ZNF497: variants seen among roughly 807,000 people sequenced by gnomAD.
ZNF497 encodes zinc finger-like protein.
For synonymous variants in ZNF497, 422 were observed against 313.7 expected, an observed-to-expected ratio of 1.35 and a Z score of -3.65; for missense variants, 930 against 714.0, an observed-to-expected ratio of 1.30 and a Z score of -3.45.
chr19:58,358,250 T>G (rs1271948102), intron 2 of ZNF497: 1 of 1,289,752 alleles, frequency 7.8e-7, no homozygotes, highest in Non-Finnish European at 1.0e-6. Context: ...TCAGACCAGG[T>G]GGTCCAAGGC....
In ZNF497 at chr19:58,359,116, GGCCC is replaced by G; in HGVS notation, c.-111-535_-111-532del. The stretch of plus-strand genomic sequence containing the variant: ...AACACAGCTCACGCAGCTGAGCCAG[GGCCC>G]CTCGGGGCCCTGCTGCCTTCTCATA... On this transcript the variant is annotated intron_variant, in intron 1 of 2. Transcript: ENST00000311044. 4 of 1,137,084 alleles carry G rather than the reference GGCCC, an allele frequency of 3.5e-6. 1 individual carries two copies. Among genetic ancestry groups the G allele is most frequent in the Non-Finnish European group, 4.7e-6 (4 of 846,692 alleles). The allele number at this position is 1,137,084 out of a possible 1,614,324, so 70.4% of individuals were successfully genotyped here. A position where few individuals can be genotyped will look rare whatever the true frequency, so the allele number is the denominator to read the frequency against.
Position 58,357,502 on chromosome 19 carries a change from G to A in ZNF497, c.134C>T (p.Thr45Met), listed in dbSNP as rs1452674000. The A allele has an allele frequency of 2.5e-6, 4 of 1,602,978 alleles. No homozygotes were observed. Among genetic ancestry groups the A allele is most frequent in the African/African-American group, 2.7e-5 (2 of 74,626 alleles). Residue 45 changes from threonine to methionine, a missense_variant, in exon 3 of 3, where the codon ACG (threonine) becomes ATG (methionine). Coordinates refer to ENST00000311044, the MANE Select transcript of ZNF497 (RefSeq NM_198458.3). ...GTCCCCTGCCTCCCTCGGAACCTCCGTGGAGTTTTCCCAGGCCCCCCAGCC... is the reference window on the plus strand; with the variant it reads ...GTCCCCTGCCTCCCTCGGAACCTCCATGGAGTTTTCCCAGGCCCCCCAGCC... Reference protein sequence around the residue: ...SGGWGAWENSTEVPREAGDGQ... With the variant: ...SGGWGAWENSMEVPREAGDGQ...
In ZNF497 at chr19:58,355,630, C is replaced by T. The variant is rs567099444; in HGVS notation, c.*509G>A. ...AGCTTCTTGCCAACAGAATATGAGA[C>T]ACTAGAAAGCCATAGCATGCGGTTT... On this transcript the variant is annotated 3_prime_UTR_variant, in exon 3 of 3. Coordinates refer to ENST00000311044, the MANE Select transcript of ZNF497 (RefSeq NM_198458.3). 1 of 153,670 alleles carries T rather than the reference C, an allele frequency of 6.5e-6. No homozygotes were observed. The highest frequency in any genetic ancestry group is 2.4e-5 in the African/African-American group (1 of 41,610). The allele number at this position is 153,670 out of a possible 1,614,324, so 9.5% of individuals were successfully genotyped here. A position where few individuals can be genotyped will look rare whatever the true frequency, so the allele number is the denominator to read the frequency against.
rs376574392 is a variant in ZNF497, at chr19:58,356,925, C to G, written c.711G>C (p.Arg237=). The change falls in exon 3 of 3, where the codon CGG becomes CGC. Residue 237 remains arginine (R), a synonymous_variant. Coordinates refer to ENST00000311044, the MANE Select transcript of ZNF497 (RefSeq NM_198458.3). ...GCGGCCGCGCGCCCGTGTGCACGCG[C>G]CGGTGCTCCAGGAAATTGGAGTTCC... is the stretch of plus-strand genomic sequence containing the variant. ...FSWNSNFLEH[R]RVHTGARPHA... 1.3e-6 allele frequency: 2 copies of G among 1,597,368 alleles called. No homozygotes were observed. Among genetic ancestry groups the G allele is most frequent in the Non-Finnish European group, 1.7e-6 (2 of 1,175,584 alleles).
At chr19:58,359,619 A>G in intron 1 of ZNF497, 1 of 366,388 alleles carries the variant, frequency 2.7e-6, no homozygotes, top group Non-Finnish European at 5.5e-6. Context: ...GACTGTGAAC[A>G]GGACACCCAG....
chr19:58,362,524 C>T (rs1188975304), intron 1 of ZNF497, 153 bp downstream of exon 1: 2 of 152,084 alleles, frequency 1.3e-5, no homozygotes, highest in East Asian at 3.9e-4. Flanking sequence ...AGGGCCACTT[C>T]CGGGCCGCTC....
rs1226757902 is a variant in ZNF497 at position 58,357,184 on chromosome 19, T to C, written c.452A>G (p.Gln151Arg). 3 of 1,613,140 alleles carry C rather than the reference T, an allele frequency of 1.9e-6. No homozygotes were observed. The highest frequency in any genetic ancestry group is 2.2e-5 in the East Asian group (1 of 44,850). Reference sequence around the variant, plus strand: ...CTCGCCGCTGTGGATGCGCTGGTGCTGGCTGAGGTTGGAGCTCCAGGCGAA... The same window carrying C: ...CTCGCCGCTGTGGATGCGCTGGTGCCGGCTGAGGTTGGAGCTCCAGGCGAA... ...KAFAWSSNLSQHQRIHSGEKP... is the reference protein window; with the variant it reads ...KAFAWSSNLSRHQRIHSGEKP... The change falls in exon 3 of 3, where the codon CAG becomes CGG. Residue 151 changes from glutamine (Q) to arginine (R), a missense_variant. Coordinates refer to ENST00000311044, the MANE Select transcript of ZNF497 (RefSeq NM_198458.3).
chr19:58,355,474 G>C lies in ZNF497; in HGVS notation c.*665C>G, dbSNP rs1409832111. ...TGCAATAAACAGTGATTGCACCACT[G>C]CACTCCAGCCTGGGTGACAGAGTGA... On this transcript the variant is annotated 3_prime_UTR_variant, in exon 3 of 3. Transcript: ENST00000311044. 1 of 152,320 alleles carries C rather than the reference G, an allele frequency of 6.6e-6. No homozygotes were observed. Among genetic ancestry groups the C allele is most frequent in the Non-Finnish European group, 1.5e-5 (1 of 68,168 alleles). 9.4% of individuals were successfully genotyped at this position (152,320 alleles called of 1,614,324 possible).
chr19:58,356,220 G>GC lies in ZNF497; in HGVS notation c.1415dup (p.Cys472TrpfsTer136), dbSNP rs1568557165. The GC allele has an allele frequency of 6.2e-7, 1 of 1,603,142 alleles. No individual in the cohort carries two copies. The highest frequency in any genetic ancestry group is 8.5e-7 in the Non-Finnish European group (1 of 1,174,218). On this transcript the variant is annotated frameshift_variant, in exon 3 of 3. Transcript: ENST00000311044. ...GGCTGAAAGGCTTCCCGCACTCGCC[G>GC]CAAGCGTAGGGCCTCTCGCCCGTGT...
chr19:58,357,887 G>A (rs1358734421), intron 2 of ZNF497: 4 of 1,364,548 alleles, frequency 2.9e-6, no homozygotes, highest in African/African-American at 3.0e-5. Context: ...CCCCACACCC[G>A]GCCCGGCCCA....
intron 1 of ZNF497, chr19:58,359,106 G>T: frequency 9.6e-7 from 1 of 1,044,918 alleles, no homozygotes; most frequent in Non-Finnish European, 1.3e-6. Context: ...AGCTCACGCA[G>T]CTGAGCCAGG....
intron 1 of ZNF497, 77 bp downstream of exon 1, chr19:58,362,600 T>G (rs1038401187): frequency 6.6e-6 from 1 of 152,058 alleles, no homozygotes; most frequent in Non-Finnish European, 1.5e-5. Flanking sequence ...AGGCCCGTCC[T>G]GCCCCGCGCG....
In ZNF497 at chr19:58,356,947, T is replaced by G; in HGVS notation, c.689A>C (p.Asn230Thr). Residue 230 changes from asparagine (N) to threonine (T), a missense_variant, in exon 3 of 3, where the codon AAC becomes ACC. Coordinates refer to ENST00000311044, the MANE Select transcript of ZNF497 (RefSeq NM_198458.3). Reference protein sequence around the residue: ...CPECGKAFSWNSNFLEHRRVH... With the variant: ...CPECGKAFSWTSNFLEHRRVH... ...GCGCCGGTGCTCCAGGAAATTGGAG[T>G]TCCAGCTGAAGGCCTTGCCGCACTC... The G allele has an allele frequency of 6.5e-7, 1 of 1,548,842 alleles. No homozygotes were observed. Among genetic ancestry groups the G allele is most frequent in the Non-Finnish European group, 8.7e-7 (1 of 1,151,884 alleles).
intron 1 of ZNF497, among the ~76,000 whole-genome samples, chr19:58,361,683 G>C (rs1034324309): frequency 6.1e-4 from 93 of 152,272 alleles, no homozygotes; most frequent in African/African-American, 2.1e-3. Context: ...GCCACCTTTA[G>C]GGGAATTGGG....
At chr19:58,358,033 C>T in intron 2 of ZNF497, 1 of 1,218,316 alleles carries the variant, frequency 8.2e-7, no homozygotes, top group African/African-American at 1.6e-5. Context: ...GTGGAGACTC[C>T]AGTTTGTGAG....
rs1282953431 is a variant in ZNF497, at chr19:58,355,595, T to C, written c.*544A>G. 6.6e-6 allele frequency: 1 copy of C among 152,660 alleles called. No homozygotes were observed. Among genetic ancestry groups the C allele is most frequent in the African/African-American group, 2.4e-5 (1 of 41,464 alleles). The allele number at this position is 152,660 out of a possible 1,614,324, so 9.5% of individuals were successfully genotyped here. A position where few individuals can be genotyped will look rare whatever the true frequency, so the allele number is the denominator to read the frequency against. ...ATCTGGTTCTGACCTCGGTCAGGAA[T>C]GCAGTGCTGAGCTTCTTGCCAACAG... is the stretch of plus-strand genomic sequence containing the variant. On this transcript the variant is annotated 3_prime_UTR_variant, in exon 3 of 3. Coordinates refer to ENST00000311044, the MANE Select transcript of ZNF497 (RefSeq NM_198458.3).
chr19:58,358,920 C>G (rs1410667536), intron 1 of ZNF497: 1 of 454,722 alleles, frequency 2.2e-6, no homozygotes, highest in South Asian at 1.6e-5. Context: ...CCTGGCCCAG[C>G]TGACTCCTGC....
intron 1 of ZNF497, among the ~76,000 whole-genome samples, chr19:58,360,765 CTCT>C (rs2052083441): frequency 1.1e-5 from 1 of 88,312 alleles, no homozygotes; most frequent in East Asian, 2.9e-4. Flanking sequence ...TGGTCCCGAA[CTCT>C]TTTTTTTTTT....
intron 1 of ZNF497, 161 bp from the exon 2 acceptor site, chr19:58,358,746 G>A (rs555863375): frequency 1.1e-5 from 5 of 465,312 alleles, no homozygotes; most frequent in Admixed American, 4.7e-5. Flanking sequence ...TGACTCTGCC[G>A]TCCAAGCCAA....
Sources: allele counts gnomAD v4.1 joint callset (sites outside exome capture counted in the v4.1 genomes callset), GRCh38; gene constraint gnomAD v4.1.1; transcripts MANE v1.5; gene names NCBI Gene and HGNC (gene_info 2026-07-23, HGNC 2026-07-21).